The following AGTPBP1 variants were observed in gnomAD, a reference collection of about 807,000 sequenced individuals.
AGTPBP1 encodes the protein cytosolic carboxypeptidase 1.
In AGTPBP1, 70 loss-of-function variants were observed where a neutral mutation model predicts 143.9. The observed-to-expected ratio is 0.49, with a 90% CI of 0.40 to 0.59. AGTPBP1 has a LOEUF of 0.59. AGTPBP1 is among the 20% of genes least tolerant of loss of function. The pLI is 0.00. For synonymous variants in AGTPBP1, 463 were observed against 500.2 expected, an observed-to-expected ratio of 0.93 and a Z score of 0.99; for missense variants, 1,229 against 1,464.5, an observed-to-expected ratio of 0.84 and a Z score of 2.62.
At chr9:85,771,419 T>A in the AGTPBP1 span, among the ~76,000 whole-genome samples, 1 of 152,132 alleles carries the variant, frequency 6.6e-6, no homozygotes, top group African/African-American at 2.4e-5. Context: ...GAGTTTGTAG[T>A]GAGCTATGAT....
the AGTPBP1 span, among the ~76,000 whole-genome samples, chr9:85,754,152 C>T: frequency 2.6e-5 from 4 of 152,112 alleles, no homozygotes; most frequent in Admixed American, 1.3e-4. Flanking sequence ...ATGAAATCCA[C>T]GTTCACTGGA....
At chr9:85,765,468 A>G in the AGTPBP1 span, among the ~76,000 whole-genome samples, 3 of 152,176 alleles carry the variant, frequency 2.0e-5, no homozygotes, top group Non-Finnish European at 4.4e-5. Context: ...AGTTTTTTTA[A>G]AACTATAGTT....
At position 85,572,027 on chromosome 9, in the gene AGTPBP1, T is replaced by G. The variant is rs1294597288; in HGVS notation, c.3503+3288A>C. ...GTGTTTTTTTTTTTTTTTTTTTTTTTTTTTTTTTTTTTTTTTTGAGGCACA... is the reference window on the plus strand; with the variant it reads ...GTGTTTTTTTTTTTTTTTTTTTTTTGTTTTTTTTTTTTTTTTTGAGGCACA... On this transcript the variant is annotated intron_variant, in intron 25 of 25. Transcript: ENST00000357081. Among the ~76,000 whole-genome samples, 13 of 95,186 alleles carry G rather than the reference T, an allele frequency of 1.4e-4. No homozygotes were observed. The South Asian group carries it at 1.6e-3, about 12-fold the overall frequency. The allele number at this position is 95,186 out of a possible 152,430, so 62.4% of individuals were successfully genotyped here. A position where few individuals can be genotyped will look rare whatever the true frequency, so the allele number is the denominator to read the frequency against.
Position 85,586,826 on chromosome 9 carries a change from C to T in AGTPBP1, c.3033+5G>A. ...TCCCAAGTAAAAACAAGTATTGCTA[C>T]TTACCAAGGGTAAACGCTTCACTGC... On this transcript the variant is annotated splice_donor_5th_base_variant and intron_variant, in intron 22 of 25. Transcript: ENST00000357081. 2 of 1,611,494 alleles carry T rather than the reference C, an allele frequency of 1.2e-6. No individual in the cohort carries two copies. Among genetic ancestry groups the T allele is most frequent in the Non-Finnish European group, 1.7e-6 (2 of 1,178,334 alleles).
rs142346601 is a variant in AGTPBP1 at position 85,555,428 on chromosome 9, G to A, written c.3504-8142C>T. Among the ~76,000 whole-genome samples, 348 of 152,132 alleles carry A rather than the reference G, an allele frequency of 2.3e-3. 6 individuals are homozygous for A. Among genetic ancestry groups the A allele is most frequent in the Admixed American group, 0.018 (281 of 15,282 alleles). ...TCCTGGGGAACATGGTGAAACCCCC[G>A]TCTCTATTAAAAATACAAAAATTAG... On this transcript the variant is annotated intron_variant, in intron 25 of 25. Transcript: ENST00000357081.
intron 6 of AGTPBP1, among the ~76,000 whole-genome samples, chr9:85,675,350 C>T (rs992550210): frequency 2.0e-5 from 3 of 152,130 alleles, no homozygotes; most frequent in Non-Finnish European, 2.9e-5. Context: ...GTTCTATATC[C>T]TATTTTTCCC....
chr9:85,630,561 C>G (rs928660316), intron 14 of AGTPBP1, among the ~76,000 whole-genome samples: 2 of 152,040 alleles, frequency 1.3e-5, no homozygotes, highest in African/African-American at 2.4e-5. Flanking sequence ...CTCACTGCAG[C>G]CTCTGCCTCC....
At chr9:85,793,452 G>A in the AGTPBP1 span, 3 of 152,044 alleles carry the variant, frequency 2.0e-5, no homozygotes, top group African/African-American at 7.2e-5. Context: ...AACATTCAGA[G>A]GGAAGCTCGT....
chr9:85,726,898 T>C (rs566092353), intron 1 of AGTPBP1, among the ~76,000 whole-genome samples: 1 of 152,252 alleles, frequency 6.6e-6, no homozygotes, highest in African/African-American at 2.4e-5. Flanking sequence ...GAATCTACTA[T>C]AAGTATAATA....
intron 13 of AGTPBP1, among the ~76,000 whole-genome samples, chr9:85,634,954 T>A (rs561966112): frequency 3.1e-4 from 47 of 151,932 alleles, no homozygotes; most frequent in African/African-American, 9.4e-4. Context: ...TATGGTTTTT[T>A]AAAAAAAAAT....
intron 17 of AGTPBP1, among the ~76,000 whole-genome samples, chr9:85,617,254 T>G (rs1323270386): frequency 1.3e-5 from 2 of 152,162 alleles, no homozygotes; most frequent in Non-Finnish European, 2.9e-5. Context: ...GATACAGCAT[T>G]TCATGTCTCA....
intron 13 of AGTPBP1, among the ~76,000 whole-genome samples, chr9:85,642,623 C>T (rs947399530): frequency 4.0e-5 from 6 of 151,576 alleles, no homozygotes; most frequent in Non-Finnish European, 2.9e-5. Flanking sequence ...TGAGCCACCA[C>T]GCCCGGCCCA....
intron 14 of AGTPBP1, among the ~76,000 whole-genome samples, chr9:85,623,686 G>A (rs1345113642): frequency 6.6e-6 from 1 of 151,804 alleles, no homozygotes; most frequent in Non-Finnish European, 1.5e-5. Flanking sequence ...GAACCTGAAA[G>A]GCAGAGGTTG....
chr9:85,759,771 C>A, the AGTPBP1 span, among the ~76,000 whole-genome samples: 1 of 152,100 alleles, frequency 6.6e-6, no homozygotes. Context: ...TAACTAAGAT[C>A]AGAGCAGAAC....
At chr9:85,718,318 T>A (rs958500345) in intron 1 of AGTPBP1, among the ~76,000 whole-genome samples, 1 of 152,188 alleles carries the variant, frequency 6.6e-6, no homozygotes, top group African/African-American at 2.4e-5. Context: ...CTCCACATCC[T>A]CTCCAGTATC....
At chr9:85,593,384 C>T (rs1442182026) in intron 18 of AGTPBP1, among the ~76,000 whole-genome samples, 1 of 152,104 alleles carries the variant, frequency 6.6e-6, no homozygotes, top group East Asian at 1.9e-4. Flanking sequence ...AAAGGGAAGC[C>T]TATAAATTAA....
At chr9:85,803,523 G>C in the AGTPBP1 span, among the ~76,000 whole-genome samples, 1 of 152,158 alleles carries the variant, frequency 6.6e-6, no homozygotes, top group African/African-American at 2.4e-5. Flanking sequence ...CAGCAGGTCT[G>C]GGGTGGAGCC....
intron 25 of AGTPBP1, among the ~76,000 whole-genome samples, chr9:85,553,123 A>T (rs1826129153): frequency 6.6e-6 from 1 of 152,228 alleles, no homozygotes; most frequent in Non-Finnish European, 1.5e-5. Context: ...TAGAAAATGC[A>T]AGTAACAATT....
chr9:85,743,707 C>T (rs1824524599), upstream of AGTPBP1, among the ~76,000 whole-genome samples: 1 of 152,120 alleles, frequency 6.6e-6, no homozygotes, highest in Non-Finnish European at 1.5e-5. Flanking sequence ...CAGCCACTTC[C>T]CTGAACGCTA....
Sources: gnomAD v4.1 joint callset for allele counts (sites outside exome capture counted in the v4.1 genomes callset) on GRCh38, gnomAD v4.1.1 for gene constraint, MANE v1.5 for transcripts, NCBI Gene and HGNC (gene_info 2026-07-23, HGNC 2026-07-21) for gene names.